FAT3: variants seen among roughly 807,000 people sequenced by gnomAD.
The protein encoded by FAT3 is protocadherin Fat 3.
In FAT3, 95 loss-of-function variants were observed where a neutral mutation model predicts 310.2. That is an observed-to-expected ratio of 0.31 (90% CI 0.26 to 0.36). The LOEUF is 0.36. Ranked by LOEUF, FAT3 falls within the 10% of genes least tolerant of loss-of-function variation. FAT3 has a pLI of 1.00. For missense variants in FAT3, 5,408 were observed against 5,715.6 expected (o/e 0.95, Z 1.74); for synonymous variants, 2,314 against 2,192.9 (o/e 1.06, Z -1.54).
chr11:92,668,943 T>C (rs529208738), intron 3 of FAT3, among the ~76,000 whole-genome samples: 2 of 152,276 alleles, frequency 1.3e-5, no homozygotes, highest in South Asian at 2.1e-4. Flanking sequence ...TTGGGTAAAA[T>C]GTGGAAGTCA....
chr11:92,268,572 C>G (rs12273198), intron 1 of FAT3, among the ~76,000 whole-genome samples: 1 of 151,600 alleles, frequency 6.6e-6, no homozygotes, highest in Non-Finnish European at 1.5e-5. Flanking sequence ...AGTTTGGTTC[C>G]TTGCGTAGAT....
intron 3 of FAT3, among the ~76,000 whole-genome samples, chr11:92,574,857 G>C (rs1468465314): frequency 6.6e-6 from 1 of 152,118 alleles, no homozygotes; most frequent in African/African-American, 2.4e-5. Flanking sequence ...CCTGTGATGG[G>C]GGTAGTGATG....
chr11:92,873,666 CTCT>C (rs897953801), intron 22 of FAT3, among the ~76,000 whole-genome samples: 2 of 152,208 alleles, frequency 1.3e-5, no homozygotes, highest in African/African-American at 2.4e-5. Context: ...TTTTGCAATG[CTCT>C]TCTTTGAGCA....
At chr11:92,830,642 C>G (rs1354476837) in intron 13 of FAT3, among the ~76,000 whole-genome samples, 1 of 152,126 alleles carries the variant, frequency 6.6e-6, no homozygotes, top group East Asian at 1.9e-4. Context: ...GACATCTGCA[C>G]TTGAATATCA....
At chr11:92,407,934 GAA>G (rs1178378380) in intron 2 of FAT3, 1 of 152,194 alleles carries the variant, frequency 6.6e-6, no homozygotes, top group African/African-American at 2.4e-5. Context: ...GATGGGGAAT[GAA>G]ACTTCCCAGC....
chr11:92,666,518 T>C (rs1399372281), intron 3 of FAT3, among the ~76,000 whole-genome samples: 2 of 127,738 alleles, frequency 1.6e-5, no homozygotes, highest in African/African-American at 6.9e-5. Context: ...CGCCCAGCTA[T>C]TTTTTTTTTT....
At chr11:92,531,740 G>C (rs943109822) in intron 3 of FAT3, among the ~76,000 whole-genome samples, 2 of 151,856 alleles carry the variant, frequency 1.3e-5, no homozygotes, top group Non-Finnish European at 2.9e-5. Context: ...GTGTGGACTC[G>C]CTCTGCCTTC....
chr11:92,375,990 G>T (rs1396246807), intron 2 of FAT3, among the ~76,000 whole-genome samples: 1 of 152,120 alleles, frequency 6.6e-6, no homozygotes. Flanking sequence ...TTTCTACTCT[G>T]CAATTATTAT....
chr11:92,597,179 A>T (rs1939754613), intron 3 of FAT3, among the ~76,000 whole-genome samples: 1 of 152,212 alleles, frequency 6.6e-6, no homozygotes, highest in African/African-American at 2.4e-5. Flanking sequence ...TTATGACTGT[A>T]TTAGCTGTAG....
At chr11:92,414,761 AGCAC>A (rs1161658376) in intron 2 of FAT3, among the ~76,000 whole-genome samples, 2 of 152,226 alleles carry the variant, frequency 1.3e-5, no homozygotes, top group African/African-American at 4.8e-5. Context: ...CTGTAATCCC[AGCAC>A]TTTGGGAGGC....
At chr11:92,540,775 G>T (rs537035273) in intron 3 of FAT3, among the ~76,000 whole-genome samples, 295 of 140,638 alleles carry the variant, frequency 2.1e-3, no homozygotes, top group South Asian at 4.7e-3. Context: ...GTTTTGTTTT[G>T]TTTTTTTTGA....
chr11:92,434,835 G>A (rs1182105400), intron 2 of FAT3, among the ~76,000 whole-genome samples: 1 of 152,084 alleles, frequency 6.6e-6, no homozygotes, highest in African/African-American at 2.4e-5. Flanking sequence ...AATGTATTGG[G>A]CCCATATGAT....
intron 2 of FAT3, among the ~76,000 whole-genome samples, chr11:92,509,519 A>G (rs2135303922): frequency 6.6e-6 from 1 of 152,314 alleles, no homozygotes; most frequent in Non-Finnish European, 1.5e-5. Flanking sequence ...GCCAATATTT[A>G]TTGAGCACCT....
At chr11:92,538,386 A>G (rs1435749593) in intron 3 of FAT3, among the ~76,000 whole-genome samples, 5 of 152,152 alleles carry the variant, frequency 3.3e-5, no homozygotes, top group African/African-American at 1.2e-4. Flanking sequence ...TTAACTTGGT[A>G]TAGCTCAGGT....
At chr11:92,480,353 G>T (rs1173982700) in intron 2 of FAT3, among the ~76,000 whole-genome samples, 2 of 152,212 alleles carry the variant, frequency 1.3e-5, no homozygotes, top group Non-Finnish European at 2.9e-5. Context: ...GTCAAAGGCA[G>T]TATATTTTGG....
Position 92,421,241 on chromosome 11 carries a change from T to A in FAT3, c.3292+65837T>A, listed in dbSNP as rs898675231. On this transcript the variant is annotated intron_variant, in intron 2 of 27. Coordinates refer to ENST00000525166, the MANE Select transcript of FAT3 (RefSeq NM_001367949.2). ...CTTCGAATTTAACTCTTAATTTTGGTGGCTTGCTATTTAGTAGTTTCATAT... is the reference window on the plus strand; with the variant it reads ...CTTCGAATTTAACTCTTAATTTTGGAGGCTTGCTATTTAGTAGTTTCATAT... Among the ~76,000 whole-genome samples, 4 of 152,348 alleles carry A rather than the reference T, an allele frequency of 2.6e-5. No homozygotes were observed. The East Asian group carries it at 7.7e-4, about 29-fold the overall frequency.
intron 4 of FAT3, among the ~76,000 whole-genome samples, chr11:92,745,122 G>T (rs185978133): frequency 6.6e-6 from 1 of 152,172 alleles, no homozygotes; most frequent in Non-Finnish European, 1.5e-5. Context: ...AATCTGCCAA[G>T]ACAAAAGTAA....
rs1336922239 is a variant in FAT3 at position 92,354,573 on chromosome 11, G to A, written c.2461G>A (p.Val821Met). Residue 821 changes from valine to methionine, a missense_variant, in exon 2 of 28, where the codon GTG (valine) becomes ATG (methionine). Transcript: ENST00000525166. ...GTCATGGAGACTGCTGACCATCAAT[G>A]TGGAGGATGCTAATGACAATAGCCC... is the stretch of plus-strand genomic sequence containing the variant. ...KSSWRLLTIN[V>M]EDANDNSPVF... The A allele has an allele frequency of 6.2e-7, 1 of 1,613,884 alleles. No homozygotes were observed. Among genetic ancestry groups the A allele is most frequent in the African/African-American group, 1.3e-5 (1 of 75,046 alleles).
chr11:92,493,158 G>A (rs982731599), intron 2 of FAT3, among the ~76,000 whole-genome samples: 1 of 152,056 alleles, frequency 6.6e-6, no homozygotes, highest in Non-Finnish European at 1.5e-5. Flanking sequence ...AAACCTGCCT[G>A]CACCATTCTC....
Sources: gnomAD v4.1 joint callset for allele counts (sites outside exome capture counted in the v4.1 genomes callset) on GRCh38, gnomAD v4.1.1 for gene constraint, MANE v1.5 for transcripts, NCBI Gene and HGNC (gene_info 2026-07-23, HGNC 2026-07-21) for gene names.